AKAP13: variants seen among roughly 807,000 people sequenced by gnomAD.
The protein encoded by AKAP13 is A-kinase anchor protein 13.
A neutral mutation model predicts 264.5 loss-of-function variants in AKAP13; 80 were observed. That is an observed-to-expected ratio of 0.30 (90% confidence interval 0.25 to 0.36). The LOEUF (loss-of-function observed/expected upper bound fraction) is 0.36, where lower values mean the gene tolerates loss of function less well. Ranked by LOEUF, AKAP13 falls within the 10% of genes least tolerant of loss-of-function variation. The probability of loss-of-function intolerance (pLI) is 1.00; values close to 1 mark genes in which losing one functional copy is unlikely to be tolerated. For missense variants in AKAP13, 3,712 were observed against 3,435.2 expected (o/e 1.08, Z -2.01); for synonymous variants, 1,380 against 1,250.2 (o/e 1.10, Z -2.19).
intron 1 of AKAP13, among the ~76,000 whole-genome samples, chr15:85,412,805 A>T (rs1040895268): frequency 6.6e-6 from 1 of 152,218 alleles, no homozygotes; most frequent in African/African-American, 2.4e-5. Context: ...AATAATTAGT[A>T]TCTGCTTTCA....
intron 29 of AKAP13, 87 bp from the exon 30 acceptor site, chr15:85,730,426 A>T: frequency 7.0e-7 from 1 of 1,418,936 alleles, no homozygotes; most frequent in Non-Finnish European, 9.7e-7. Flanking sequence ...CTTTCCATAA[A>T]TTACCACAAG....
intron 12 of AKAP13, among the ~76,000 whole-genome samples, chr15:85,663,076 G>C (rs577660162): frequency 2.0e-5 from 3 of 152,278 alleles, no homozygotes; most frequent in Admixed American, 2.0e-4. Flanking sequence ...TTGGGAGGCT[G>C]CGGTGGGCGG....
chr15:85,660,951 C>T (rs1378235093), intron 12 of AKAP13, among the ~76,000 whole-genome samples: 1 of 152,144 alleles, frequency 6.6e-6, no homozygotes, highest in African/African-American at 2.4e-5. Flanking sequence ...GACAACAAAA[C>T]AAAGTTATTA....
chr15:85,512,472 A>G (rs553754759), intron 2 of AKAP13, among the ~76,000 whole-genome samples: 25 of 151,974 alleles, frequency 1.6e-4, no homozygotes, highest in Non-Finnish European at 3.4e-4. Flanking sequence ...TGTTCCTTCT[A>G]TCAACAATGA....
intron 1 of AKAP13, among the ~76,000 whole-genome samples, chr15:85,484,611 CCTCT>C (rs1439588006): frequency 1.3e-5 from 2 of 152,038 alleles, no homozygotes; most frequent in African/African-American, 2.4e-5. Flanking sequence ...GATTTTTTTC[CCTCT>C]AAGTGTGTGT....
intron 1 of AKAP13, among the ~76,000 whole-genome samples, chr15:85,463,750 A>G (rs1166190244): frequency 6.6e-6 from 1 of 151,890 alleles, no homozygotes; most frequent in East Asian, 1.9e-4. Context: ...TTCTATTGAT[A>G]TCTGAGTCAG....
intron 1 of AKAP13, among the ~76,000 whole-genome samples, chr15:85,424,128 A>G (rs925729633): frequency 2.6e-5 from 4 of 152,228 alleles, no homozygotes; most frequent in African/African-American, 9.6e-5. Context: ...ACTTAAAGTC[A>G]TCAGCTGCAT....
chr15:85,441,303 G>T (rs2073643754), intron 1 of AKAP13, among the ~76,000 whole-genome samples: 1 of 151,260 alleles, frequency 6.6e-6, no homozygotes, highest in South Asian at 2.1e-4. Flanking sequence ...TATTTTCTTT[G>T]GTCAAGTGTC....
chr15:85,446,307 G>C (rs982357289), intron 1 of AKAP13, among the ~76,000 whole-genome samples: 7 of 152,284 alleles, frequency 4.6e-5, no homozygotes, highest in Admixed American at 6.5e-5. Flanking sequence ...TGGGCAGCAG[G>C]GGTGGATAAG....
chr15:85,533,059 A>G (rs1276261620), intron 3 of AKAP13, among the ~76,000 whole-genome samples: 3 of 152,252 alleles, frequency 2.0e-5, no homozygotes, highest in African/African-American at 7.2e-5. Context: ...AAATCAAGTA[A>G]TTATGTACTT....
intron 17 of AKAP13, among the ~76,000 whole-genome samples, chr15:85,703,353 T>G (rs1026862252): frequency 1.3e-5 from 2 of 152,254 alleles, no homozygotes; most frequent in Non-Finnish European, 2.9e-5. Flanking sequence ...TATTTCATTT[T>G]TGTTTACCAG....
At chr15:85,491,051 G>T (rs1353893670) in intron 2 of AKAP13, among the ~76,000 whole-genome samples, 1 of 152,092 alleles carries the variant, frequency 6.6e-6, no homozygotes, top group Non-Finnish European at 1.5e-5. Context: ...AACTTAATAT[G>T]TTTGAGGAAC....
intron 16 of AKAP13, 167 bp from the exon 17 acceptor site, chr15:85,693,110 C>G: frequency 3.2e-6 from 4 of 1,232,742 alleles, no homozygotes; most frequent in African/African-American, 1.6e-5. Context: ...CGTGCCAACG[C>G]CTTAATTTAA....
chr15:85,584,417 C>CA (rs2079252534), intron 7 of AKAP13, among the ~76,000 whole-genome samples: 1 of 152,046 alleles, frequency 6.6e-6, no homozygotes, highest in Non-Finnish European at 1.5e-5. Flanking sequence ...AAGGAGGTAC[C>CA]AAAAATCACA....
chr15:85,653,114 C>A (rs1349276691), intron 10 of AKAP13, among the ~76,000 whole-genome samples: 1 of 152,110 alleles, frequency 6.6e-6, no homozygotes, highest in Non-Finnish European at 1.5e-5. Flanking sequence ...TTTAGGAAAC[C>A]CCTGAGTCCC....
intron 16 of AKAP13, chr15:85,691,903 A>G: frequency 2.1e-6 from 1 of 480,220 alleles, no homozygotes. Flanking sequence ...TTTCCAACCT[A>G]GGGACACTGC....
intron 35 of AKAP13, 104 bp downstream of exon 35, chr15:85,741,599 T>C: frequency 8.4e-6 from 12 of 1,430,342 alleles, no homozygotes; most frequent in Non-Finnish European, 1.1e-5. Context: ...AGCCTGTTTT[T>C]GGCCAGATGC....
chr15:85,495,251 CT>C (rs996872942), intron 2 of AKAP13, among the ~76,000 whole-genome samples: 2 of 151,940 alleles, frequency 1.3e-5, no homozygotes, highest in African/African-American at 2.4e-5. Flanking sequence ...TTCTTTGATG[CT>C]TTTTCTGTGT....
intron 8 of AKAP13, among the ~76,000 whole-genome samples, chr15:85,628,017 G>C (rs1396277453): frequency 2.6e-5 from 4 of 152,150 alleles, no homozygotes; most frequent in Non-Finnish European, 5.9e-5. Context: ...TCATGCTGGG[G>C]ACTTTCTTTT....
Sources: allele counts gnomAD v4.1 joint callset (sites outside exome capture counted in the v4.1 genomes callset), GRCh38; gene constraint gnomAD v4.1.1; transcripts MANE v1.5; gene names NCBI Gene and HGNC (gene_info 2026-07-23, HGNC 2026-07-21).